PLXND1: variants seen among roughly 807,000 people sequenced by gnomAD.
The protein encoded by PLXND1 is plexin-D1.
Under a neutral mutation model 197.7 loss-of-function variants are expected in PLXND1, and 54 were observed. The observed-to-expected ratio is 0.27, with a 90% CI of 0.22 to 0.34. The LOEUF (loss-of-function observed/expected upper bound fraction) is 0.34. Among genes scored for constraint, PLXND1 ranks in the 10% least tolerant of loss-of-function variants. The pLI is 1.00. For synonymous variants in PLXND1, 1,180 were observed against 1,161.2 expected (o/e 1.02, Z -0.33); for missense variants, 2,127 against 2,699.2 (o/e 0.79, Z 4.70).
rs756797894 is a variant in PLXND1, at chr3:129,569,921, G to A, written c.3787C>T (p.Leu1263=). 3 of 1,613,106 alleles carry A rather than the reference G, an allele frequency of 1.9e-6. No individual in the cohort carries two copies. The highest frequency in any genetic ancestry group is 2.5e-6 in the Non-Finnish European group (3 of 1,179,178). Residue 1263 remains leucine (L), a synonymous_variant, in exon 20 of 36, where the codon CTG becomes TTG. Transcript: ENST00000324093. ...GCCGTCTCGCTGCCCCCCAGCTGCA[G>A]TGTGGCGATGGTCTGGTTGAAGTTC... ...VGNFNQTIAT[L]QLGGSETAII...
At position 129,556,268 on chromosome 3, in the gene PLXND1, C is replaced by T. The variant is rs368039734; in HGVS notation, c.*44G>A. 1.5e-5 allele frequency: 19 copies of T among 1,277,070 alleles called. No homozygotes were observed. Among genetic ancestry groups the T allele is most frequent in the Non-Finnish European group, 2.1e-5 (18 of 874,648 alleles). The allele number at this position is 1,277,070 out of a possible 1,614,324, so 79.1% of individuals were successfully genotyped here. On this transcript the variant is annotated 3_prime_UTR_variant, in exon 36 of 36. Coordinates refer to ENST00000324093, the MANE Select transcript of PLXND1 (RefSeq NM_015103.3). ...GAAGATCAAGTTGAGGCCCAGTGGGCGTCCATTTCTCCCAGCAGCAGCCTG... is the reference window on the plus strand; with the variant it reads ...GAAGATCAAGTTGAGGCCCAGTGGGTGTCCATTTCTCCCAGCAGCAGCCTG...
At position 129,586,587 on chromosome 3, in the gene PLXND1, C is replaced by T; in HGVS notation, c.1620+1G>A. The T allele has an allele frequency of 6.4e-7, 1 of 1,566,130 alleles. No individual in the cohort carries two copies. Among genetic ancestry groups the T allele is most frequent in the East Asian group, 2.3e-5 (1 of 42,952 alleles). Reference sequence around the variant, plus strand: ...GCGTTGGGCTGGGGCTCTGGCCTCACCTGGTGGGACGTCATCAGGTAAAGG... The same window carrying T: ...GCGTTGGGCTGGGGCTCTGGCCTCATCTGGTGGGACGTCATCAGGTAAAGG... On this transcript the variant is annotated splice_donor_variant, in intron 3 of 35. Coordinates refer to ENST00000324093, the MANE Select transcript of PLXND1 (RefSeq NM_015103.3). LOFTEE classifies it high-confidence loss of function.
At chr3:129,562,292 C>T (rs1038966846) in intron 27 of PLXND1, among the ~76,000 whole-genome samples, 2 of 152,184 alleles carry the variant, frequency 1.3e-5, no homozygotes, top group Non-Finnish European at 2.9e-5. Context: ...GCAGGAGGAT[C>T]GCTTGAGCCC....
chr3:129,598,749 A>C (rs2085664030), intron 1 of PLXND1, among the ~76,000 whole-genome samples: 1 of 152,028 alleles, frequency 6.6e-6, no homozygotes, highest in South Asian at 2.1e-4. Context: ...CTTCGGTCAA[A>C]GATTTTGGAG....
intron 8 of PLXND1, among the ~76,000 whole-genome samples, chr3:129,583,034 C>T (rs1458155806): frequency 6.6e-6 from 1 of 152,182 alleles, no homozygotes; most frequent in Non-Finnish European, 1.5e-5. Flanking sequence ...CAGGCAGGGC[C>T]CTTTCCACCC....
chr3:129,597,458 T>C (rs2085641969), intron 1 of PLXND1, among the ~76,000 whole-genome samples: 1 of 151,846 alleles, frequency 6.6e-6, no homozygotes, highest in Admixed American at 6.5e-5. Context: ...GGGCCTGGCC[T>C]CCACTCCAAG....
At chr3:129,578,892 T>C (rs946725615) in intron 8 of PLXND1, among the ~76,000 whole-genome samples, 2 of 152,160 alleles carry the variant, frequency 1.3e-5, no homozygotes, top group African/African-American at 2.4e-5. Context: ...AAGAGAAACC[T>C]TGGGCTTCCA....
chr3:129,555,471 C>G lies in PLXND1; in HGVS notation c.*841G>C, dbSNP rs182162812. The G allele has an allele frequency of 3.8e-3, 2,594 of 679,200 alleles. 23 individuals carry two copies. Among genetic ancestry groups the G allele is most frequent in the South Asian group, 8.8e-3 (556 of 63,194 alleles). The allele number at this position is 679,200 out of a possible 1,614,324, so 42.1% of individuals were successfully genotyped here. A position where few individuals can be genotyped will look rare whatever the true frequency, so the allele number is the denominator to read the frequency against. On this transcript the variant is annotated 3_prime_UTR_variant, in exon 36 of 36. Transcript: ENST00000324093. The stretch of plus-strand genomic sequence containing the variant: ...TGTTGCATGGGGAGCCTCTCGGGAC[C>G]CCTCCCCGGGTCCTCTGCGCAAGCG...
intron 23 of PLXND1, 114 bp downstream of exon 23, chr3:129,566,413 C>T (rs896421605): frequency 7.0e-6 from 5 of 719,054 alleles, no homozygotes; most frequent in Non-Finnish European, 1.3e-5. Flanking sequence ...ATGGCAGATG[C>T]CTCCCAACTC....
At chr3:129,568,286 C>T (rs931375923) in intron 20 of PLXND1, among the ~76,000 whole-genome samples, 4 of 152,066 alleles carry the variant, frequency 2.6e-5, no homozygotes, top group Non-Finnish European at 5.9e-5. Flanking sequence ...ACATTATAAC[C>T]TTTCCTGGGG....
rs77878075 is a variant in PLXND1 at position 129,557,270 on chromosome 3, C to T, written c.5446-47G>A. The T allele has an allele frequency of 3.6e-4, 574 of 1,608,546 alleles. 2 individuals carry two copies. In the African/African-American group the frequency reaches 6.7e-3, roughly 19 times the overall value. On this transcript the variant is annotated intron_variant, in intron 33 of 35. Transcript: ENST00000324093. This position sits in a 1 kb window ranked among gnomAD's most constrained non-coding sequence, Gnocchi z 4.8. ...TGTTAGATGGCTGCTGGAGAAAGGA[C>T]GGATCTGGTCGTTTTCTGGATGAGC...
At chr3:129,584,278 T>C (rs2085427636) in intron 6 of PLXND1, 45 bp from the exon 7 acceptor site, 5 of 1,579,682 alleles carry the variant, frequency 3.2e-6, no homozygotes, top group Non-Finnish European at 4.3e-6. Context: ...GGGCAGGGGA[T>C]TGCCACCAAC....
intron 11 of PLXND1, among the ~76,000 whole-genome samples, chr3:129,575,004 G>A (rs776834881): frequency 2.6e-5 from 4 of 152,182 alleles, no homozygotes; most frequent in African/African-American, 4.8e-5. Context: ...ATGCAGGGCC[G>A]TTCTGGGACC....
intron 5 of PLXND1, among the ~76,000 whole-genome samples, chr3:129,585,558 T>A (rs962646061): frequency 5.3e-5 from 8 of 152,298 alleles, no homozygotes; most frequent in Admixed American, 4.6e-4. Context: ...GAACTCACTG[T>A]CCTCCAAGCC....
In PLXND1 at chr3:129,557,263, G is replaced by GA; in HGVS notation, c.5446-41dup. 6.2e-7 allele frequency: 1 copy of GA among 1,612,368 alleles called. No individual in the cohort carries two copies. The highest frequency in any genetic ancestry group is 8.5e-7 in the Non-Finnish European group (1 of 1,178,964). On this transcript the variant is annotated intron_variant, in intron 33 of 35. Coordinates refer to ENST00000324093, the MANE Select transcript of PLXND1 (RefSeq NM_015103.3). This position sits in a 1 kb window ranked among gnomAD's most constrained non-coding sequence, Gnocchi z 4.8. ...GCGAGGGTGTTAGATGGCTGCTGGA[G>GA]AAAGGACGGATCTGGTCGTTTTCTG... is the stretch of plus-strand genomic sequence containing the variant.
intron 5 of PLXND1, among the ~76,000 whole-genome samples, 169 bp from the exon 6 acceptor site, chr3:129,584,731 T>C (rs2085436165): frequency 6.6e-6 from 1 of 152,176 alleles, no homozygotes; most frequent in Non-Finnish European, 1.5e-5. Context: ...TGTGACCCTC[T>C]GAGCCTCAGT....
intron 29 of PLXND1, chr3:129,561,096 C>T (rs1417249379): frequency 2.1e-6 from 1 of 477,548 alleles, no homozygotes; most frequent in Non-Finnish European, 4.1e-6. Flanking sequence ...CAGGAAGATG[C>T]AGCCACGGGG....
rs183354923 is a variant in PLXND1, at chr3:129,571,848, G to A, written c.3078-4C>T. On this transcript the variant is annotated splice_region_variant and splice_polypyrimidine_tract_variant and intron_variant, in intron 15 of 35. Coordinates refer to ENST00000324093, the MANE Select transcript of PLXND1 (RefSeq NM_015103.3). The stretch of plus-strand genomic sequence containing the variant: ...GGCGATGCTGGTATCTGTGCGCCTG[G>A]GGGGAGCAGCAGGTTATCAGCAGGG... 3.0e-5 allele frequency: 48 copies of A among 1,606,480 alleles called. No individual in the cohort carries two copies. In the East Asian group the frequency reaches 4.9e-4, roughly 17 times the overall value.
rs767733014 is a variant in PLXND1 at position 129,559,732 on chromosome 3, G to C, written c.5185C>G (p.Arg1729Gly). The part of the protein sequence containing the change: ...DDLFKAILSI[R>G]EDKPPLAVKY... ...ACAGCCAGTGGGGGCTTGTCTTCAC[G>C]GATACTCAGAATGGCCTTGAACAGG... The change falls in exon 32 of 36, where the codon CGT (arginine) becomes GGT (glycine). Residue 1729 changes from arginine (R) to glycine (G), a missense_variant. By Grantham distance (125) the Arg-to-Gly change is moderately radical (BLOSUM62 -2). Coordinates refer to ENST00000324093, the MANE Select transcript of PLXND1 (RefSeq NM_015103.3). 2 of 1,613,048 alleles carry C rather than the reference G, an allele frequency of 1.2e-6. No individual in the cohort carries two copies. Among genetic ancestry groups the C allele is most frequent in the East Asian group, 4.5e-5 (2 of 44,874 alleles).
Sources: allele counts gnomAD v4.1 joint callset (sites outside exome capture counted in the v4.1 genomes callset), GRCh38; gene constraint gnomAD v4.1.1; non-coding constraint Gnocchi (gnomAD v3.1); transcripts MANE v1.5; gene names NCBI Gene and HGNC (gene_info 2026-07-23, HGNC 2026-07-21).